Variants in SPINK5 observed in about 807,000 individuals in gnomAD.
SPINK5 encodes the protein serine peptidase inhibitor Kazal type 5, also known as serine protease inhibitor Kazal-type 5.
Under a neutral mutation model 151.8 loss-of-function variants are expected in SPINK5, and 125 were observed. The observed-to-expected ratio is 0.82, with a 90% CI of 0.71 to 0.96. The LOEUF is 0.96. Among genes scored for constraint, SPINK5 ranks in the 40% least tolerant of loss-of-function variants. The probability of loss-of-function intolerance (pLI) is 0.00; values close to 1 mark genes in which losing one functional copy is unlikely to be tolerated. For synonymous variants in SPINK5, 374 were observed against 395.3 expected (o/e 0.95, Z 0.64); for missense variants, 1,194 against 1,291.9 (o/e 0.92, Z 1.16).
At chr5:148,120,832 A>G (rs1754238282) in intron 26 of SPINK5, among the ~76,000 whole-genome samples, 1 of 152,134 alleles carries the variant, frequency 6.6e-6, no homozygotes, top group African/African-American at 2.4e-5. Context: ...AAAATTACAA[A>G]GAAAATCAGT....
chr5:148,116,160 GTTCTT>G (rs1754083456), intron 21 of SPINK5, among the ~76,000 whole-genome samples: 1 of 152,092 alleles, frequency 6.6e-6, no homozygotes, highest in East Asian at 1.9e-4. Context: ...TATATGTGGT[GTTCTT>G]TTATTTTAAT....
At chr5:148,126,225 G>T (rs1165260902) in intron 29 of SPINK5, among the ~76,000 whole-genome samples, 1 of 151,974 alleles carries the variant, frequency 6.6e-6, no homozygotes, top group Non-Finnish European at 1.5e-5. Flanking sequence ...TCAGAATCTT[G>T]GGGCTATGGA....
At chr5:148,088,401 A>T in intron 5 of SPINK5, 141 bp from the exon 6 acceptor site, 1 of 710,238 alleles carries the variant, frequency 1.4e-6, no homozygotes. Context: ...GACTTTTATT[A>T]GAAAAAGTAA....
At chr5:148,130,632 C>T (rs28627452) in intron 30 of SPINK5, among the ~76,000 whole-genome samples, 77,755 of 151,838 alleles carry the variant, frequency 0.51, 22,043 homozygotes, top group Non-Finnish European at 0.63. Context: ...TGTTTTTTAC[C>T]GTGGAAAACA....
intron 16 of SPINK5, 30 bp downstream of exon 16, chr5:148,105,030 C>A: frequency 6.2e-7 from 1 of 1,608,640 alleles, no homozygotes; most frequent in South Asian, 1.1e-5. Context: ...TGATGCTGTG[C>A]CCTGACATTT....
intron 5 of SPINK5, 80 bp downstream of exon 5, chr5:148,086,612 TTAAGC>T: frequency 6.4e-7 from 1 of 1,557,270 alleles, no homozygotes; most frequent in Non-Finnish European, 8.7e-7. Context: ...CCTACAGTCT[TTAAGC>T]TAACGATTCA....
At chr5:148,084,959 A>G (rs2113044132) in intron 4 of SPINK5, among the ~76,000 whole-genome samples, 1 of 151,926 alleles carries the variant, frequency 6.6e-6, no homozygotes, top group South Asian at 2.1e-4. Flanking sequence ...TCCTTAGAAT[A>G]TGTATTCCAT....
chr5:148,122,925 G>A (rs1328443859), intron 26 of SPINK5, among the ~76,000 whole-genome samples: 2 of 133,096 alleles, frequency 1.5e-5, no homozygotes, highest in East Asian at 4.3e-4. Flanking sequence ...AAGTTTACGT[G>A]TTTTTATGTT....
intron 31 of SPINK5, among the ~76,000 whole-genome samples, 192 bp from the exon 32 acceptor site, chr5:148,133,605 G>A (rs1026628538): frequency 1.3e-5 from 2 of 152,142 alleles, no homozygotes; most frequent in Non-Finnish European, 2.9e-5. Context: ...GCTAGGGGAT[G>A]AATCTGGAGC....
At chr5:148,086,350 C>A in intron 4 of SPINK5, 55 bp from the exon 5 acceptor site, 1 of 1,597,098 alleles carries the variant, frequency 6.3e-7, no homozygotes, top group Non-Finnish European at 8.5e-7. Flanking sequence ...ATTTATACAT[C>A]TAAGGACTAT....
At position 148,070,408 on chromosome 5, in the gene SPINK5, GAAT is replaced by G. The variant is rs1477763174; in HGVS notation, c.171_173del (p.Ile57del). ...AAGAAATTTTTTCAAAGTCTTGATG[GAAT>G]AATGTTCATCAATAAATGTGCCACG... is the stretch of plus-strand genomic sequence containing the variant. On this transcript the variant is annotated inframe_deletion, in exon 3 of 33. Transcript: ENST00000256084. 6.2e-7 allele frequency: 1 copy of G among 1,612,662 alleles called. No homozygotes were observed.
At chr5:148,081,652 C>T (rs1332934974) in intron 4 of SPINK5, among the ~76,000 whole-genome samples, 2 of 151,422 alleles carry the variant, frequency 1.3e-5, no homozygotes, top group African/African-American at 2.4e-5. Context: ...AGGGGAATCT[C>T]GTAGGGTGAT....
chr5:148,081,395 CA>C (rs1204285799), intron 4 of SPINK5, among the ~76,000 whole-genome samples: 1 of 151,672 alleles, frequency 6.6e-6, no homozygotes, highest in East Asian at 2.0e-4. Flanking sequence ...AATTGATAAA[CA>C]AAAGGAATAT....
rs1328976077 is a variant in SPINK5 at position 148,123,521 on chromosome 5, G to GTGTATATATATATA, written c.2539-311_2539-310insGTATATATATATAT. Among the ~76,000 whole-genome samples the GTGTATATATATATA allele has an allele frequency of 1.6e-3, 41 of 25,012 alleles. 1 individual carries two copies. The highest frequency in any genetic ancestry group is 3.1e-3 in the African/African-American group (39 of 12,570). 16.4% of individuals were successfully genotyped at this position (25,012 alleles called of 152,430 possible). A position where few individuals can be genotyped will look rare whatever the true frequency, so the allele number is the denominator to read the frequency against. ...TGGAGTGCAGTGGTGCAATATATGT[G>GTGTATATATATATA]TATATATATATATATATATATATAT... On this transcript the variant is annotated intron_variant, in intron 26 of 32. Transcript: ENST00000256084.
intron 4 of SPINK5, among the ~76,000 whole-genome samples, chr5:148,082,416 CT>C (rs1363197573): frequency 8.0e-5 from 12 of 150,710 alleles, no homozygotes; most frequent in Admixed American, 2.0e-4. Flanking sequence ...TTCTCTACCC[CT>C]AATGTTATTT....
At position 148,112,855 on chromosome 5, in the gene SPINK5, C is replaced by T. The variant is rs1196953660; in HGVS notation, c.1821-13C>T. 2 of 1,613,604 alleles carry T rather than the reference C, an allele frequency of 1.2e-6. No individual in the cohort carries two copies. The highest frequency in any genetic ancestry group is 1.7e-6 in the Non-Finnish European group (2 of 1,179,846). On this transcript the variant is annotated splice_polypyrimidine_tract_variant and intron_variant, in intron 19 of 32. Transcript: ENST00000256084. Reference sequence around the variant, plus strand: ...TGCTAGGAATGATTGTTTTGTCCTCCCTTTTCTTATAGCCAGCAAGAAGCA... The same window carrying T: ...TGCTAGGAATGATTGTTTTGTCCTCTCTTTTCTTATAGCCAGCAAGAAGCA...
chr5:148,088,494 G>T, intron 5 of SPINK5, 48 bp from the exon 6 acceptor site: 1 of 1,547,306 alleles, frequency 6.5e-7, no homozygotes, highest in Non-Finnish European at 8.9e-7. Context: ...TGAATGGTGG[G>T]AAGTTCTGTG....
intron 2 of SPINK5, among the ~76,000 whole-genome samples, chr5:148,068,578 A>AAAAAAAAAAG (rs1554101972): frequency 1.3e-5 from 1 of 74,352 alleles, no homozygotes; most frequent in Non-Finnish European, 2.2e-5. Flanking sequence ...AAAAAAAAAA[A>AAAAAAAAAAG]AAAGAAAGAA....
intron 2 of SPINK5, among the ~76,000 whole-genome samples, chr5:148,066,340 A>G (rs1752585273): frequency 6.6e-6 from 1 of 152,278 alleles, no homozygotes; most frequent in South Asian, 2.1e-4. Context: ...ACACACTGCT[A>G]TGCATGCTAT....
Sources: allele counts gnomAD v4.1 joint callset (sites outside exome capture counted in the v4.1 genomes callset), GRCh38; gene constraint gnomAD v4.1.1; transcripts MANE v1.5; gene names NCBI Gene and HGNC (gene_info 2026-07-23, HGNC 2026-07-21).